Variants in PROSER1 observed in about 807,000 individuals in gnomAD.
PROSER1 encodes the protein proline and serine-rich protein 1.
Under a neutral mutation model 71.8 loss-of-function variants are expected in PROSER1, and 36 were observed. The ratio of observed to expected loss-of-function variants is 0.50; its 90% CI spans 0.38 to 0.66. PROSER1 has a LOEUF of 0.66. PROSER1 is among the 30% of genes least tolerant of loss of function. The pLI is 0.00. For missense variants in PROSER1, 1,107 were observed against 1,135.0 expected (o/e 0.98, Z 0.35); for synonymous variants, 490 against 452.4 (o/e 1.08, Z -1.06).
chr13:39,020,078 T>TAAA (rs34446921), intron 9 of PROSER1, among the ~76,000 whole-genome samples: 5 of 137,610 alleles, frequency 3.6e-5, no homozygotes, highest in African/African-American at 7.8e-5. Context: ...TCAAGAGACT[T>TAAA]AAAAAAAAAA....
Position 39,012,215 on chromosome 13 carries a change from T to G in PROSER1, c.2580A>C (p.Gln860His). 3 of 1,614,068 alleles carry G rather than the reference T, an allele frequency of 1.9e-6. No individual in the cohort carries two copies. Among genetic ancestry groups the G allele is most frequent in the Non-Finnish European group, 2.5e-6 (3 of 1,179,998 alleles). The change falls in exon 12 of 13, where the codon CAA becomes CAC. Residue 860 changes from glutamine (Q) to histidine (H), a missense_variant. Gln to His is a conservative substitution (Grantham distance 24). Coordinates refer to ENST00000352251, the MANE Select transcript of PROSER1 (RefSeq NM_025138.5). ...VAQAGLSSGL[Q>H]AAGSSVFPGL... ...CTGGAAAAACAGAACTGCCTGCAGCTTGAAGTCCAGATGATAAACTAAAAC... is the reference window on the plus strand; with the variant it reads ...CTGGAAAAACAGAACTGCCTGCAGCGTGAAGTCCAGATGATAAACTAAAAC...
At chr13:39,034,910 G>T (rs1300741660) in intron 1 of PROSER1, among the ~76,000 whole-genome samples, 1 of 152,204 alleles carries the variant, frequency 6.6e-6, no homozygotes, top group African/African-American at 2.4e-5. Context: ...ATCAGTGGGT[G>T]AGAGAGAAGT....
At chr13:39,028,418 C>T in intron 4 of PROSER1, 98 bp from the exon 5 acceptor site, 1 of 607,342 alleles carries the variant, frequency 1.6e-6, no homozygotes, top group Middle Eastern at 3.4e-4. Flanking sequence ...AGTAAGCGTT[C>T]TCCATGACAT....
At chr13:39,012,588 A>C in intron 11 of PROSER1, 103 bp downstream of exon 11, 1 of 997,698 alleles carries the variant, frequency 1.0e-6, no homozygotes, top group Non-Finnish European at 1.5e-6. Flanking sequence ...ACCCAGAAAA[A>C]CATCATTTAG....
intron 6 of PROSER1, among the ~76,000 whole-genome samples, chr13:39,025,270 T>C (rs952346757): frequency 6.6e-6 from 1 of 152,168 alleles, no homozygotes; most frequent in African/African-American, 2.4e-5. Context: ...TCAGAATAAG[T>C]TGATAGATTA....
Position 39,013,964 on chromosome 13 carries a change from C to A in PROSER1, c.1288G>T (p.Ala430Ser), listed in dbSNP as rs770589311. ...GGTGGTAAGGGCAAAGGGAGCCCTGCAAAAACTGATGACAATGAAGCAGAA... is the reference window on the plus strand; with the variant it reads ...GGTGGTAAGGGCAAAGGGAGCCCTGAAAAAACTGATGACAATGAAGCAGAA... ...PNSASLSSVFAGLPLPLPPTS... is the reference protein window; with the variant it reads ...PNSASLSSVFSGLPLPLPPTS... Residue 430 changes from alanine to serine, a missense_variant, in exon 11 of 13, where the codon GCA becomes TCA. Transcript: ENST00000352251. 4 of 1,614,086 alleles carry A rather than the reference C, an allele frequency of 2.5e-6. No individual in the cohort carries two copies. In the South Asian group the frequency reaches 4.4e-5, roughly 18 times the overall value.
chr13:39,038,001 G>GC lies in PROSER1; in HGVS notation c.-760dup. On this transcript the variant is annotated 5_prime_UTR_variant, in exon 1 of 13. It removes the in-frame stop codon of an upstream open reading frame in the 5' UTR. Coordinates refer to ENST00000352251, the MANE Select transcript of PROSER1 (RefSeq NM_025138.5). ...GACGCCCTGCCTGGTTACCCCTACA[G>GC]CCCCCACCAGCTCATGGGGACCTAC... is the stretch of plus-strand genomic sequence containing the variant. The GC allele has an allele frequency of 6.5e-6, 1 of 152,906 alleles. No individual in the cohort carries two copies. Among genetic ancestry groups the GC allele is most frequent in the East Asian group, 1.9e-4 (1 of 5,164 alleles). 9.5% of individuals were successfully genotyped at this position (152,906 alleles called of 1,614,324 possible). A position where few individuals can be genotyped will look rare whatever the true frequency, so the allele number is the denominator to read the frequency against.
chr13:39,033,429 T>C (rs1471436114), intron 2 of PROSER1, among the ~76,000 whole-genome samples: 11 of 152,250 alleles, frequency 7.2e-5, no homozygotes, highest in South Asian at 2.1e-4. Context: ...ACTAACTCAA[T>C]TGGAGCATTT....
rs1284277281 is a variant in PROSER1, at chr13:39,022,409, G to A, written c.647C>T (p.Ala216Val). The A allele has an allele frequency of 2.5e-6, 4 of 1,609,864 alleles. 1 individual carries two copies. In the South Asian group the frequency reaches 3.3e-5, roughly 13 times the overall value. The change falls in exon 9 of 13, where the codon GCT (alanine) becomes GTT (valine). Residue 216 changes from alanine to valine, a missense_variant. Physicochemically the swap from Ala to Val is moderately conservative, Grantham distance 64. Coordinates refer to ENST00000352251, the MANE Select transcript of PROSER1 (RefSeq NM_025138.5). The stretch of plus-strand genomic sequence containing the variant: ...TGGTACCAGACCTGCATTGTTATAA[G>A]CACCTAAAATAAAAACACAATAGAA... ...CRPHATIAPS[A>V]YNNAGLVPLA...
chr13:39,031,006 C>T (rs190812841), intron 3 of PROSER1, among the ~76,000 whole-genome samples: 1 of 152,326 alleles, frequency 6.6e-6, no homozygotes, highest in African/African-American at 2.4e-5. Flanking sequence ...CTTCAAAAAT[C>T]TTCCTACACA....
At chr13:39,016,960 G>A (rs892725864) in intron 10 of PROSER1, among the ~76,000 whole-genome samples, 1 of 152,200 alleles carries the variant, frequency 6.6e-6, no homozygotes, top group African/African-American at 2.4e-5. Context: ...TCATCACCTA[G>A]GGGAAAAATA....
intron 2 of PROSER1, among the ~76,000 whole-genome samples, chr13:39,033,051 G>A (rs1031609625): frequency 6.6e-6 from 1 of 152,030 alleles, no homozygotes; most frequent in Non-Finnish European, 1.5e-5. Context: ...CTCCTGAACA[G>A]CTGGGATTAC....
chr13:39,025,028 T>C (rs1450282047), intron 6 of PROSER1, among the ~76,000 whole-genome samples: 1 of 152,168 alleles, frequency 6.6e-6, no homozygotes, highest in Non-Finnish European at 1.5e-5. Context: ...TTTTACTGTA[T>C]TATTGCTTTT....
At chr13:39,012,387 C>G in intron 11 of PROSER1, 154 bp from the exon 12 acceptor site, 2 of 806,016 alleles carry the variant, frequency 2.5e-6, no homozygotes, top group Non-Finnish European at 4.0e-6. Context: ...TCAGCCATTC[C>G]CTGATATGAA....
rs777029481 is a variant in PROSER1, at chr13:39,012,683, C to T, written c.2561+8G>A. 2.0e-6 allele frequency: 3 copies of T among 1,537,216 alleles called. No individual in the cohort carries two copies. The highest frequency in any genetic ancestry group is 2.3e-5 in the East Asian group (1 of 44,334). On this transcript the variant is annotated splice_region_variant and intron_variant, in intron 11 of 12. Coordinates refer to ENST00000352251, the MANE Select transcript of PROSER1 (RefSeq NM_025138.5). ...TAATTTTATCCTATTTCCAAACTAT[C>T]CACATACCCGGCTTGTGCAACAAGA... is the stretch of plus-strand genomic sequence containing the variant.
intron 9 of PROSER1, 89 bp from the exon 10 acceptor site, chr13:39,017,633 C>T (rs1870069497): frequency 1.4e-6 from 1 of 712,086 alleles, no homozygotes; most frequent in African/African-American, 1.8e-5. Flanking sequence ...AAGAAAAACA[C>T]AGGATATAAA....
At chr13:39,012,043 A>C in intron 12 of PROSER1, 40 bp downstream of exon 12, 1 of 1,594,704 alleles carries the variant, frequency 6.3e-7, no homozygotes, top group Non-Finnish European at 8.6e-7. Context: ...AGTTAGTTAT[A>C]CATGTTACCA....
intron 7 of PROSER1, 49 bp downstream of exon 7, chr13:39,024,424 C>T: frequency 7.4e-7 from 1 of 1,344,970 alleles, no homozygotes; most frequent in Non-Finnish European, 1.0e-6. Flanking sequence ...AAAAAGGAAA[C>T]TTTATGTAGG....
At chr13:39,031,936 C>T (rs150483791) in intron 2 of PROSER1, among the ~76,000 whole-genome samples, 1 of 152,058 alleles carries the variant, frequency 6.6e-6, no homozygotes, top group Non-Finnish European at 1.5e-5. Context: ...ATTTCTACCA[C>T]CACAAAAAGT....
Sources: allele counts gnomAD v4.1 joint callset (sites outside exome capture counted in the v4.1 genomes callset), GRCh38; gene constraint gnomAD v4.1.1; transcripts MANE v1.5; gene names NCBI Gene and HGNC (gene_info 2026-07-23, HGNC 2026-07-21).